Variants in VCAM1 observed in about 807,000 individuals in gnomAD.
VCAM1 encodes the protein vascular cell adhesion molecule 1.
Under a neutral mutation model 63.8 loss-of-function variants are expected in VCAM1, and 41 were observed. The observed-to-expected ratio is 0.64, with a 90% CI of 0.50 to 0.83. The LOEUF is 0.83. Ranked by LOEUF, VCAM1 falls within the 40% of genes least tolerant of loss-of-function variation. The pLI is 0.00. For missense variants in VCAM1, 798 were observed against 875.5 expected (o/e 0.91, Z 1.12); for synonymous variants, 338 against 320.7 (o/e 1.05, Z -0.58).
Position 100,719,747 on chromosome 1 carries a change from A to T in VCAM1, c.-114A>T. On this transcript the variant is annotated 5_prime_UTR_variant, in exon 1 of 9. Transcript: ENST00000294728. ...CAGACTTTCTATTTCACTCCGCGGT[A>T]TCTGCATCGGGCCTCACTGGCTTCA... 2.1e-6 allele frequency: 2 copies of T among 970,038 alleles called. No individual in the cohort carries two copies. The highest frequency in any genetic ancestry group is 1.5e-6 in the Non-Finnish European group (1 of 650,998). The allele number at this position is 970,038 out of a possible 1,614,324, so 60.1% of individuals were successfully genotyped here.
intron 8 of VCAM1, 30 bp from the exon 9 acceptor site, chr1:100,738,093 A>T (rs1433789413): frequency 6.2e-7 from 1 of 1,607,630 alleles, no homozygotes; most frequent in Non-Finnish European, 8.5e-7. Context: ...TGTACTAGAC[A>T]TTAATTGCAT....
In VCAM1 at chr1:100,719,743, C is replaced by A. The variant is rs3783607; in HGVS notation, c.-118C>A. 2 of 916,816 alleles carry A rather than the reference C, an allele frequency of 2.2e-6. No homozygotes were observed. Among genetic ancestry groups the A allele is most frequent in the East Asian group, 2.6e-5 (1 of 38,018 alleles). 56.8% of individuals were successfully genotyped at this position (916,816 alleles called of 1,614,324 possible). On this transcript the variant is annotated 5_prime_UTR_variant, in exon 1 of 9. Transcript: ENST00000294728. ...AGCACAGACTTTCTATTTCACTCCG[C>A]GGTATCTGCATCGGGCCTCACTGGC...
Position 100,734,494 on chromosome 1 carries a change from C to G in VCAM1, c.1793-8C>G. ...CAATCAGGGATGTCTTTTAAATTCT[C>G]TTTACAGTTACTCCAAAAGACATAA... On this transcript the variant is annotated splice_polypyrimidine_tract_variant and splice_region_variant and intron_variant, in intron 7 of 8. Transcript: ENST00000294728. The G allele has an allele frequency of 6.2e-7, 1 of 1,607,296 alleles. No individual in the cohort carries two copies. Among genetic ancestry groups the G allele is most frequent in the South Asian group, 1.1e-5 (1 of 89,736 alleles).
chr1:100,737,227 T>G (rs544180864), intron 8 of VCAM1: 4 of 152,276 alleles, frequency 2.6e-5, no homozygotes, highest in African/African-American at 9.6e-5. Flanking sequence ...TGGTGCCAAC[T>G]AGGCCAAGCA....
Position 100,732,584 on chromosome 1 carries a change from C to T in VCAM1, c.1692C>T (p.Leu564=). The T allele has an allele frequency of 3.1e-6, 5 of 1,613,374 alleles. No individual in the cohort carries two copies. The highest frequency in any genetic ancestry group is 4.2e-6 in the Non-Finnish European group (5 of 1,179,728). The change falls in exon 7 of 9, where the codon CTC becomes CTT. Residue 564 remains leucine (L), a synonymous_variant. Coordinates refer to ENST00000294728, the MANE Select transcript of VCAM1 (RefSeq NM_001078.4). ...ELQPLSENAT[L]TLISTKMEDS... ...AGCCTCTTTCTGAGAATGCAACTCTCACCTTAATTTCTACAAAAATGGAAG... is the reference window on the plus strand; with the variant it reads ...AGCCTCTTTCTGAGAATGCAACTCTTACCTTAATTTCTACAAAAATGGAAG...
chr1:100,732,620 T>G lies in VCAM1; in HGVS notation c.1728T>G (p.Val576=). The G allele has an allele frequency of 1.2e-6, 2 of 1,612,080 alleles. No homozygotes were observed. The highest frequency in any genetic ancestry group is 1.7e-6 in the Non-Finnish European group (2 of 1,179,358). ...CTACAAAAATGGAAGATTCTGGGGT[T>G]TATTTATGTGAAGGAATTAACCAGG... ...LISTKMEDSG[V]YLCEGINQAG... is the part of the protein sequence containing the mutation. Residue 576 remains valine, a synonymous_variant, in exon 7 of 9, where the codon GTT becomes GTG. Transcript: ENST00000294728.
rs1293460091 is a variant in VCAM1 at position 100,738,288 on chromosome 1, T to G, written c.*5T>G. Reference sequence around the variant, plus strand: ...GCACAGAAGTCAAAAGTGTAGCTAATGCTTGATATGTTCAACTGGAGACAC... The same window carrying G: ...GCACAGAAGTCAAAAGTGTAGCTAAGGCTTGATATGTTCAACTGGAGACAC... On this transcript the variant is annotated 3_prime_UTR_variant, in exon 9 of 9. Coordinates refer to ENST00000294728, the MANE Select transcript of VCAM1 (RefSeq NM_001078.4). 1 of 1,612,192 alleles carries G rather than the reference T, an allele frequency of 6.2e-7. No homozygotes were observed. The highest frequency in any genetic ancestry group is 1.7e-5 in the Admixed American group (1 of 59,918).
chr1:100,731,048 T>G lies in VCAM1; in HGVS notation c.1205-150T>G, dbSNP rs1660434705. The G allele has an allele frequency of 1.5e-6, 1 of 651,340 alleles. No individual in the cohort carries two copies. 40.3% of individuals were successfully genotyped at this position (651,340 alleles called of 1,614,324 possible). A position where few individuals can be genotyped will look rare whatever the true frequency, so the allele number is the denominator to read the frequency against. On this transcript the variant is annotated intron_variant, in intron 5 of 8. Coordinates refer to ENST00000294728, the MANE Select transcript of VCAM1 (RefSeq NM_001078.4). The surrounding 1 kb of genome is among the most constrained non-coding windows in gnomAD (Gnocchi z 4.2). ...ATATATAATATCATAAATATGTCAT[T>G]TATAAATACTGTCATTACTTATATA...
chr1:100,719,921 G>T lies in VCAM1; in HGVS notation c.61G>T (p.Ala21Ser). Residue 21 changes from alanine (A) to serine (S), a missense_variant, in exon 1 of 9, where the codon GCT (alanine) becomes TCT (serine). Coordinates refer to ENST00000294728, the MANE Select transcript of VCAM1 (RefSeq NM_001078.4). ...AAATATACTTTGGATAATGTTTGCA[G>T]CTTGTAAGTTATTTCCCTTCATCTG... is the stretch of plus-strand genomic sequence containing the variant. ...ASNILWIMFA[A>S]SQAFKIETTP... is the part of the protein sequence containing the mutation. 6.2e-7 allele frequency: 1 copy of T among 1,609,548 alleles called. No individual in the cohort carries two copies. Among genetic ancestry groups the T allele is most frequent in the Non-Finnish European group, 8.5e-7 (1 of 1,176,834 alleles).
At position 100,720,592 on chromosome 1, in the gene VCAM1, A is replaced by C; in HGVS notation, c.181A>C (p.Thr61Pro). Reference protein sequence around the residue: ...GCESPFFSWRTQIDSPLNGKV... With the variant: ...GCESPFFSWRPQIDSPLNGKV... ...TGAGTCCCCATTTTTCTCTTGGAGAACCCAGATAGATAGTCCACTGAATGG... is the reference window on the plus strand; with the variant it reads ...TGAGTCCCCATTTTTCTCTTGGAGACCCCAGATAGATAGTCCACTGAATGG... The change falls in exon 2 of 9, where the codon ACC becomes CCC. Residue 61 changes from threonine (T) to proline (P), a missense_variant. By Grantham distance (38) the Thr-to-Pro change is conservative. Coordinates refer to ENST00000294728, the MANE Select transcript of VCAM1 (RefSeq NM_001078.4). 1 of 1,613,156 alleles carries C rather than the reference A, an allele frequency of 6.2e-7. No homozygotes were observed. Among genetic ancestry groups the C allele is most frequent in the Non-Finnish European group, 8.5e-7 (1 of 1,179,480 alleles).
chr1:100,736,121 A>G (rs1158815662), intron 8 of VCAM1: 2 of 152,186 alleles, frequency 1.3e-5, no homozygotes, highest in East Asian at 3.8e-4. Context: ...CCTTTTAAAG[A>G]CACATCAAAC....
chr1:100,724,947 A>G lies in VCAM1; in HGVS notation c.928+57A>G, dbSNP rs527910775. The G allele has an allele frequency of 5.1e-6, 8 of 1,577,832 alleles. No homozygotes were observed. The East Asian group carries it at 1.6e-4, about 31-fold the overall frequency. On this transcript the variant is annotated intron_variant, in intron 4 of 8. Transcript: ENST00000294728. ...GTGCTGTCAGTGGGATTTGAGCAATAGTCAACACAGCTTCAATGCTGAAAT... is the reference window on the plus strand; with the variant it reads ...GTGCTGTCAGTGGGATTTGAGCAATGGTCAACACAGCTTCAATGCTGAAAT...
intron 2 of VCAM1, among the ~76,000 whole-genome samples, chr1:100,721,041 T>C (rs1025520744): frequency 2.6e-5 from 4 of 152,070 alleles, no homozygotes; most frequent in African/African-American, 9.7e-5. Context: ...TCTAAGTTTC[T>C]TTTTGTTTTA....
At chr1:100,726,966 A>C (rs1190394666) in intron 4 of VCAM1, among the ~76,000 whole-genome samples, 2 of 151,988 alleles carry the variant, frequency 1.3e-5, no homozygotes, top group Non-Finnish European at 2.9e-5. Context: ...GTACAAGACC[A>C]GCCTCGGCAA....
At chr1:100,725,036 T>C (rs1571455551) in intron 4 of VCAM1, 146 bp downstream of exon 4, 14 of 1,091,572 alleles carry the variant, frequency 1.3e-5, no homozygotes, top group Non-Finnish European at 1.8e-5. Context: ...AATATATGTT[T>C]ATCTTACTAG....
rs533279347 is a variant in VCAM1 at position 100,720,697 on chromosome 1, A to T, written c.286A>T (p.Thr96Ser). ...TGGGAACGAACACTCTTACCTGTGC[A>T]CAGCAACTTGTGAATCTAGGAAATT... ...SFGNEHSYLC[T>S]ATCESRKLEK... The change falls in exon 2 of 9, where the codon ACA becomes TCA. Residue 96 changes from threonine to serine, a missense_variant. By Grantham distance (58) the Thr-to-Ser change is moderately conservative. Coordinates refer to ENST00000294728, the MANE Select transcript of VCAM1 (RefSeq NM_001078.4). 6.2e-7 allele frequency: 1 copy of T among 1,613,090 alleles called. No individual in the cohort carries two copies. The highest frequency in any genetic ancestry group is 1.1e-5 in the South Asian group (1 of 90,996).
chr1:100,732,572 G>A lies in VCAM1; in HGVS notation c.1680G>A (p.Glu560=), dbSNP rs1168490195. The part of the protein sequence containing the change: ...LPNGELQPLS[E]NATLTLISTK... ...ACGGGGAGCTACAGCCTCTTTCTGA[G>A]AATGCAACTCTCACCTTAATTTCTA... is the stretch of plus-strand genomic sequence containing the variant. Residue 560 remains glutamate, a synonymous_variant, in exon 7 of 9, where the codon GAG becomes GAA. Coordinates refer to ENST00000294728, the MANE Select transcript of VCAM1 (RefSeq NM_001078.4). 9 of 1,613,428 alleles carry A rather than the reference G, an allele frequency of 5.6e-6. No homozygotes were observed. The highest frequency in any genetic ancestry group is 8.5e-7 in the Non-Finnish European group (1 of 1,179,736).
rs1660504898 is a variant in VCAM1, at chr1:100,732,685, GT to G, written c.1792+2del. The G allele has an allele frequency of 6.3e-7, 1 of 1,582,134 alleles. No homozygotes were observed. The highest frequency in any genetic ancestry group is 8.6e-7 in the Non-Finnish European group (1 of 1,166,408). ...AAGGAAGTGGAATTAATTATCCAAG[GT>G]GAGCAGAGTGTGAGTAATGAGTTAT... On this transcript the variant is annotated splice_donor_variant, in intron 7 of 8. Coordinates refer to ENST00000294728, the MANE Select transcript of VCAM1 (RefSeq NM_001078.4). LOFTEE classifies it high-confidence loss of function.
chr1:100,721,434 T>C (rs929288914), intron 2 of VCAM1, among the ~76,000 whole-genome samples: 2 of 151,996 alleles, frequency 1.3e-5, no homozygotes, highest in African/African-American at 4.8e-5. Flanking sequence ...CCTGACAAAA[T>C]GCATCCCACT....
Sources: allele counts gnomAD v4.1 joint callset (sites outside exome capture counted in the v4.1 genomes callset), GRCh38; gene constraint gnomAD v4.1.1; non-coding constraint Gnocchi (gnomAD v3.1); transcripts MANE v1.5; gene names NCBI Gene and HGNC (gene_info 2026-07-23, HGNC 2026-07-21).